The following ITPR2 variants were observed in gnomAD, a reference collection of about 807,000 sequenced individuals.
ITPR2 encodes the protein inositol 1,4,5-trisphosphate receptor type 2, also known as inositol 1,4,5-trisphosphate-gated calcium channel ITPR2.
ITPR2 carries 207 observed loss-of-function variants against 317.1 expected under a neutral mutation model. That is an observed-to-expected ratio of 0.65 (90% CI 0.58 to 0.73). The LOEUF is 0.73. Among genes scored for constraint, ITPR2 ranks in the 30% least tolerant of loss-of-function variants. ITPR2 has a pLI of 0.00. For missense variants in ITPR2, 2,613 were observed against 3,284.0 expected (o/e 0.80, Z 4.99); for synonymous variants, 1,156 against 1,149.1 (o/e 1.01, Z -0.12).
At chr12:26,812,518 G>A (rs1182628821) in intron 1 of ITPR2, among the ~76,000 whole-genome samples, 5 of 152,168 alleles carry the variant, frequency 3.3e-5, no homozygotes, top group Non-Finnish European at 5.9e-5. Context: ...GGCGGAGCTT[G>A]CAGTGAGCTG....
intron 45 of ITPR2, among the ~76,000 whole-genome samples, chr12:26,448,671 C>A (rs569010293): frequency 6.6e-6 from 1 of 152,260 alleles, no homozygotes; most frequent in East Asian, 1.9e-4. Context: ...GGTGGATAGT[C>A]AGTCTTAAGA....
At chr12:26,549,121 C>T (rs1240394278) in intron 37 of ITPR2, among the ~76,000 whole-genome samples, 1 of 152,158 alleles carries the variant, frequency 6.6e-6, no homozygotes, top group Non-Finnish European at 1.5e-5. Flanking sequence ...AAGAGAAAGA[C>T]AACCAAAAGT....
In ITPR2 at chr12:26,567,412, T is replaced by C. The variant is rs561601701; in HGVS notation, c.4631-5460A>G. 7.2e-5 allele frequency among the ~76,000 whole-genome samples: 11 copies of C among 152,268 alleles called. No individual in the cohort carries two copies. The South Asian group carries it at 2.3e-3, about 32-fold the overall frequency. ...ACGATCCCAAACTCTGTTGAAAGGT[T>C]TTTTTGTTTCCCTCAAACCATCCCA... On this transcript the variant is annotated intron_variant, in intron 34 of 56. Coordinates refer to ENST00000381340, the MANE Select transcript of ITPR2 (RefSeq NM_002223.4).
At chr12:26,579,415 T>A (rs1945343724) in intron 33 of ITPR2, among the ~76,000 whole-genome samples, 1 of 152,200 alleles carries the variant, frequency 6.6e-6, no homozygotes, top group African/African-American at 2.4e-5. Context: ...ATTTACTCCC[T>A]GAGTTTTTTT....
chr12:26,383,462 GTTTT>G (rs892413890), intron 55 of ITPR2, among the ~76,000 whole-genome samples: 26 of 149,492 alleles, frequency 1.7e-4, no homozygotes, highest in South Asian at 6.3e-4. Context: ...CTTATTCTAT[GTTTT>G]TTTGTTTGTT....
chr12:26,378,394 G>A (rs1306274641), intron 55 of ITPR2, among the ~76,000 whole-genome samples: 1 of 152,100 alleles, frequency 6.6e-6, no homozygotes, highest in South Asian at 2.1e-4. Flanking sequence ...GAGAAAAGAA[G>A]GGCCAATGTG....
At chr12:26,697,801 T>TATA (rs1309957142) in intron 9 of ITPR2, among the ~76,000 whole-genome samples, 2 of 150,810 alleles carry the variant, frequency 1.3e-5, no homozygotes, top group Non-Finnish European at 1.5e-5. Context: ...TCAAAATAAT[T>TATA]ATAATAATAA....
chr12:26,674,514 T>A (rs1293171113), intron 13 of ITPR2, among the ~76,000 whole-genome samples: 1 of 152,150 alleles, frequency 6.6e-6, no homozygotes, highest in East Asian at 1.9e-4. Context: ...TGAAACTGGA[T>A]CCCTTCCTTA....
At chr12:26,610,692 T>C (rs996191008) in intron 26 of ITPR2, among the ~76,000 whole-genome samples, 2 of 152,166 alleles carry the variant, frequency 1.3e-5, no homozygotes, top group Admixed American at 1.3e-4. Flanking sequence ...TGAAATATAA[T>C]CAATCAAGAG....
intron 54 of ITPR2, among the ~76,000 whole-genome samples, chr12:26,396,246 G>T (rs2136643381): frequency 6.6e-6 from 1 of 152,174 alleles, no homozygotes; most frequent in East Asian, 1.9e-4. Context: ...GTAGGAGGAG[G>T]TATATTTATC....
chr12:26,435,609 T>C (rs1467475067), intron 48 of ITPR2, among the ~76,000 whole-genome samples: 2 of 152,206 alleles, frequency 1.3e-5, no homozygotes, highest in South Asian at 2.1e-4. Flanking sequence ...ATATTTCTCA[T>C]TTCCACCTAA....
At chr12:26,372,232 A>T (rs943642148) in intron 55 of ITPR2, among the ~76,000 whole-genome samples, 1 of 152,208 alleles carries the variant, frequency 6.6e-6, no homozygotes, top group Non-Finnish European at 1.5e-5. Flanking sequence ...GAAGCAGGGA[A>T]TTTATTCATC....
intron 46 of ITPR2, among the ~76,000 whole-genome samples, 199 bp downstream of exon 46, chr12:26,443,344 T>TA (rs961940192): frequency 2.6e-5 from 4 of 152,086 alleles, no homozygotes; most frequent in Non-Finnish European, 5.9e-5. Flanking sequence ...ATAGTTTTAG[T>TA]AAAAAAAGAC....
At chr12:26,735,844 C>G (rs150381765) in intron 2 of ITPR2, among the ~76,000 whole-genome samples, 2 of 152,310 alleles carry the variant, frequency 1.3e-5, no homozygotes, top group East Asian at 3.9e-4. Flanking sequence ...TTTAAATTAA[C>G]TGCCCTGTCA....
intron 2 of ITPR2, among the ~76,000 whole-genome samples, chr12:26,746,210 A>ACG (rs1177965399): frequency 7.2e-5 from 11 of 151,754 alleles, no homozygotes; most frequent in Admixed American, 2.0e-4. Context: ...ACACACACAC[A>ACG]CACATACACA....
chr12:26,387,372 A>C, intron 55 of ITPR2, 62 bp downstream of exon 55: 1 of 1,465,214 alleles, frequency 6.8e-7, no homozygotes, highest in Non-Finnish European at 9.4e-7. Context: ...ATGGTAGGGT[A>C]GAGAAGATGA....
At chr12:26,526,187 TAC>T (rs1313016131) in intron 37 of ITPR2, among the ~76,000 whole-genome samples, 8 of 152,214 alleles carry the variant, frequency 5.3e-5, no homozygotes, top group African/African-American at 1.9e-4. Flanking sequence ...AGAAAAAATG[TAC>T]ATTTTCTGAA....
At chr12:26,727,511 T>C (rs1948950972) in intron 2 of ITPR2, among the ~76,000 whole-genome samples, 1 of 152,226 alleles carries the variant, frequency 6.6e-6, no homozygotes, top group East Asian at 1.9e-4. Context: ...AGAAAAAATA[T>C]TTTTGTAAAT....
At chr12:26,368,132 G>A (rs942243481) in intron 55 of ITPR2, among the ~76,000 whole-genome samples, 2 of 152,130 alleles carry the variant, frequency 1.3e-5, no homozygotes, top group Admixed American at 1.3e-4. Flanking sequence ...CTTCGAGCTT[G>A]GTATATGATT....
Sources: gnomAD v4.1 joint callset for allele counts (sites outside exome capture counted in the v4.1 genomes callset) on GRCh38, gnomAD v4.1.1 for gene constraint, MANE v1.5 for transcripts, NCBI Gene and HGNC (gene_info 2026-07-23, HGNC 2026-07-21) for gene names.